CNTNAP5: variants seen among roughly 807,000 people sequenced by gnomAD.
CNTNAP5 encodes the protein contactin-associated protein-like 5.
In CNTNAP5, 72 loss-of-function variants were observed where a neutral mutation model predicts 150.2. The ratio of observed to expected loss-of-function variants is 0.48; its 90% confidence interval spans 0.40 to 0.58. The LOEUF (loss-of-function observed/expected upper bound fraction) is 0.58, where lower values mean the gene tolerates loss of function less well. CNTNAP5 is among the 20% of genes least tolerant of loss of function. The probability of loss-of-function intolerance (pLI) is 0.00; values close to 1 mark genes in which losing one functional copy is unlikely to be tolerated. For synonymous variants in CNTNAP5, 672 were observed against 619.8 expected (o/e 1.08, Z -1.25); for missense variants, 1,636 against 1,626.2 (o/e 1.01, Z -0.10).
chr2:124,429,348 T>C (rs984699319), intron 4 of CNTNAP5, among the ~76,000 whole-genome samples: 1 of 152,170 alleles, frequency 6.6e-6, no homozygotes, highest in Non-Finnish European at 1.5e-5. Flanking sequence ...TCTAAGTTAA[T>C]GTACATGCTA....
intron 1 of CNTNAP5, among the ~76,000 whole-genome samples, chr2:124,112,587 A>T (rs1338871752): frequency 6.6e-6 from 1 of 152,196 alleles, no homozygotes; most frequent in East Asian, 1.9e-4. Flanking sequence ...GTGCTCCTAA[A>T]GATAAACTCA....
Position 124,915,759 on chromosome 2 carries a change from T to C in CNTNAP5, c.*1471T>C, listed in dbSNP as rs966785267. On this transcript the variant is annotated 3_prime_UTR_variant, in exon 24 of 24. Coordinates refer to ENST00000682447, the MANE Select transcript of CNTNAP5 (RefSeq NM_001367498.1). ...CAAGAAGGCACCTTGAGCTCATCCA[T>C]GGGGTGGCGGTAAAGATCTTAATGA... Among the ~76,000 whole-genome samples, 2 of 151,992 alleles carry C rather than the reference T, an allele frequency of 1.3e-5. No homozygotes were observed. The highest frequency in any genetic ancestry group is 4.8e-5 in the African/African-American group (2 of 41,430).
chr2:124,477,981 A>T, intron 7 of CNTNAP5, among the ~76,000 whole-genome samples: 1 of 152,156 alleles, frequency 6.6e-6, no homozygotes. Flanking sequence ...GGGGCTTAAA[A>T]GTATAAAAGC....
intron 1 of CNTNAP5, among the ~76,000 whole-genome samples, chr2:124,071,010 A>G (rs1016228188): frequency 1.3e-5 from 2 of 151,976 alleles, no homozygotes; most frequent in Non-Finnish European, 2.9e-5. Flanking sequence ...TTTCTGATGG[A>G]CTAAAAGCAG....
chr2:124,899,668 G>T (rs1414550048), intron 21 of CNTNAP5, among the ~76,000 whole-genome samples: 1 of 151,182 alleles, frequency 6.6e-6, no homozygotes, highest in East Asian at 1.9e-4. Context: ...TTTTTCAGTG[G>T]TGTCGCCTTT....
chr2:124,451,054 A>ATG (rs1323379434), intron 6 of CNTNAP5, among the ~76,000 whole-genome samples: 11 of 43,772 alleles, frequency 2.5e-4, no homozygotes, highest in African/African-American at 6.7e-4. Context: ...AAAAAAAAAT[A>ATG]TATATATATA....
intron 19 of CNTNAP5, among the ~76,000 whole-genome samples, chr2:124,850,761 A>T (rs1323055312): frequency 6.6e-6 from 1 of 152,210 alleles, no homozygotes; most frequent in Non-Finnish European, 1.5e-5. Flanking sequence ...TGACCAGTCA[A>T]GTAGGAAGGA....
chr2:124,235,273 C>A (rs553522402), intron 2 of CNTNAP5, among the ~76,000 whole-genome samples: 3 of 152,240 alleles, frequency 2.0e-5, no homozygotes, highest in Non-Finnish European at 2.9e-5. Flanking sequence ...TGGCCAAGGA[C>A]AAATCTCTGG....
intron 7 of CNTNAP5, among the ~76,000 whole-genome samples, chr2:124,494,260 T>C (rs1410712973): frequency 6.6e-6 from 1 of 151,996 alleles, no homozygotes; most frequent in Non-Finnish European, 1.5e-5. Context: ...AGTGTAACTC[T>C]CAGGCTGAGG....
At chr2:124,052,028 C>A (rs1451287319) in intron 1 of CNTNAP5, among the ~76,000 whole-genome samples, 1 of 152,118 alleles carries the variant, frequency 6.6e-6, no homozygotes, top group Admixed American at 6.5e-5. Context: ...AAAGAAAATA[C>A]AAGCCAACTT....
intron 3 of CNTNAP5, among the ~76,000 whole-genome samples, chr2:124,346,151 C>T (rs1396631719): frequency 2.0e-5 from 3 of 152,146 alleles, no homozygotes; most frequent in East Asian, 1.9e-4. Context: ...ACCACACTCA[C>T]TTGCTTACTT....
intron 19 of CNTNAP5, among the ~76,000 whole-genome samples, chr2:124,850,135 C>A (rs1683125325): frequency 6.6e-6 from 1 of 152,064 alleles, no homozygotes; most frequent in Non-Finnish European, 1.5e-5. Context: ...GTTCCTAGAA[C>A]AAAATGGGCA....
At chr2:124,464,360 A>T (rs1408841201) in intron 6 of CNTNAP5, among the ~76,000 whole-genome samples, 1 of 152,092 alleles carries the variant, frequency 6.6e-6, no homozygotes, top group Admixed American at 6.6e-5. Flanking sequence ...AATAGGATAA[A>T]TTTTTTGCAG....
intron 1 of CNTNAP5, among the ~76,000 whole-genome samples, chr2:124,132,638 T>C (rs561078695): frequency 6.0e-4 from 91 of 152,250 alleles, no homozygotes; most frequent in Admixed American, 1.6e-3. Flanking sequence ...GATATAATAT[T>C]ACTAACACTA....
intron 3 of CNTNAP5, among the ~76,000 whole-genome samples, chr2:124,347,944 C>T (rs776767858): frequency 1.3e-5 from 2 of 151,994 alleles, no homozygotes; most frequent in South Asian, 4.2e-4. Flanking sequence ...TCTGCCTCAG[C>T]CTCCCGAGTA....
chr2:124,863,943 T>C (rs1169953994), intron 19 of CNTNAP5, among the ~76,000 whole-genome samples: 3 of 152,176 alleles, frequency 2.0e-5, no homozygotes, highest in Non-Finnish European at 4.4e-5. Flanking sequence ...TCAATTCCAA[T>C]TATTTTCCAT....
intron 3 of CNTNAP5, among the ~76,000 whole-genome samples, chr2:124,392,288 G>T (rs1431659053): frequency 6.6e-6 from 1 of 152,136 alleles, no homozygotes; most frequent in Non-Finnish European, 1.5e-5. Flanking sequence ...GATTACTCTG[G>T]TATATGCTCA....
intron 3 of CNTNAP5, among the ~76,000 whole-genome samples, chr2:124,399,690 G>T (rs553502624): frequency 6.6e-6 from 1 of 152,278 alleles, no homozygotes; most frequent in African/African-American, 2.4e-5. Flanking sequence ...TGAGTAGTTT[G>T]TGGGGTTAAC....
chr2:124,521,975 C>T (rs527889704), intron 8 of CNTNAP5, among the ~76,000 whole-genome samples: 1 of 152,264 alleles, frequency 6.6e-6, no homozygotes, highest in East Asian at 1.9e-4. Flanking sequence ...CCTCTGGGTT[C>T]TCTTCTTCAC....
Sources: gnomAD v4.1 joint callset for allele counts (sites outside exome capture counted in the v4.1 genomes callset) on GRCh38, gnomAD v4.1.1 for gene constraint, MANE v1.5 for transcripts, NCBI Gene and HGNC (gene_info 2026-07-23, HGNC 2026-07-21) for gene names.